The following OPCML variants were observed in gnomAD, a reference collection of about 807,000 sequenced individuals.
The protein encoded by OPCML is opioid binding protein/cell adhesion molecule like.
In OPCML, 13 loss-of-function variants were observed where a neutral mutation model predicts 37.8. The observed-to-expected ratio is 0.34, with a 90% CI of 0.22 to 0.55. The LOEUF (loss-of-function observed/expected upper bound fraction) is 0.55, where lower values mean the gene tolerates loss of function less well. OPCML is among the 20% of genes least tolerant of loss of function. OPCML has a pLI of 0.91. For synonymous variants in OPCML, 176 were observed against 168.8 expected, an observed-to-expected ratio of 1.04 and a Z score of -0.33; for missense variants, 341 against 435.6, an observed-to-expected ratio of 0.78 and a Z score of 1.93.
At chr11:132,539,817 G>A (rs575588811) in intron 3 of OPCML, among the ~76,000 whole-genome samples, 1 of 152,026 alleles carries the variant, frequency 6.6e-6, no homozygotes, top group Non-Finnish European at 1.5e-5. Context: ...GGTGATAGAT[G>A]CTGACGGTGA....
chr11:133,457,046 C>A (rs1337632677), intron 1 of OPCML, among the ~76,000 whole-genome samples: 1 of 152,032 alleles, frequency 6.6e-6, no homozygotes. Flanking sequence ...CCCAAAGAGA[C>A]CAACCCCAAG....
In OPCML at chr11:133,516,068, G is replaced by A. The variant is rs555501216; in HGVS notation, c.61+16196C>T. Among the ~76,000 whole-genome samples the A allele has an allele frequency of 2.4e-4, 37 of 152,182 alleles. No homozygotes were observed. In the South Asian group the frequency reaches 4.8e-3, roughly 20 times the overall value. The stretch of plus-strand genomic sequence containing the variant: ...GGTCTACGTGTGCAGGGCGCTTATC[G>A]GGAGAAACAACTGGGAGAGAAGCTG... On this transcript the variant is annotated intron_variant, in intron 1 of 7. Transcript: ENST00000524381.
chr11:133,384,213 A>T (rs1420958186), intron 1 of OPCML, among the ~76,000 whole-genome samples: 3 of 142,556 alleles, frequency 2.1e-5, no homozygotes, highest in Non-Finnish European at 4.5e-5. Context: ...GGCCACCCAG[A>T]TTAATGCAGC....
intron 1 of OPCML, among the ~76,000 whole-genome samples, chr11:133,230,702 G>C (rs1021765631): frequency 6.6e-6 from 1 of 152,190 alleles, no homozygotes; most frequent in Non-Finnish European, 1.5e-5. Flanking sequence ...AGCAGCCTCA[G>C]CCTGGCCACC....
At chr11:133,389,184 C>A (rs984653063) in intron 1 of OPCML, among the ~76,000 whole-genome samples, 2 of 152,184 alleles carry the variant, frequency 1.3e-5, no homozygotes, top group African/African-American at 2.4e-5. Flanking sequence ...TCCATGCCTG[C>A]CAAAATGTCT....
At chr11:133,216,264 CTG>C (rs899829178) in intron 1 of OPCML, among the ~76,000 whole-genome samples, 3 of 152,190 alleles carry the variant, frequency 2.0e-5, no homozygotes, top group Admixed American at 6.5e-5. Flanking sequence ...CTCCCAGAAA[CTG>C]TGTTTTATAA....
chr11:132,792,635 AAGG>A (rs1937998807), intron 2 of OPCML, among the ~76,000 whole-genome samples: 1 of 152,114 alleles, frequency 6.6e-6, no homozygotes, highest in Non-Finnish European at 1.5e-5. Context: ...GGGAAGTGTG[AAGG>A]AGAAGCAGGC....
Position 133,007,796 on chromosome 11 carries a change from A to G in OPCML, c.62-64786T>C, listed in dbSNP as rs1030552041. ...ATTTTGAATAGTTAGCACATGTATC[A>G]TATCTCCTTGTGGCGGGATCACTCA... On this transcript the variant is annotated intron_variant, in intron 1 of 7. Coordinates refer to ENST00000524381, the MANE Select transcript of OPCML (RefSeq NM_001012393.5). The G allele has an allele frequency of 1.9e-5, 19 of 985,482 alleles. No homozygotes were observed. The East Asian group carries it at 1.7e-3, about 88-fold the overall frequency. 61.0% of individuals were successfully genotyped at this position (985,482 alleles called of 1,614,324 possible).
chr11:132,672,096 C>T lies in OPCML; in HGVS notation c.147-14777G>A, dbSNP rs182105518. ...GCTCTTATAACTTGACCTCACATTGCCCTTGCCATCAGTCCAGCTGGGGTC... is the reference window on the plus strand; with the variant it reads ...GCTCTTATAACTTGACCTCACATTGTCCTTGCCATCAGTCCAGCTGGGGTC... On this transcript the variant is annotated intron_variant, in intron 2 of 7. Coordinates refer to ENST00000524381, the MANE Select transcript of OPCML (RefSeq NM_001012393.5). Among the ~76,000 whole-genome samples the T allele has an allele frequency of 3.4e-3, 521 of 152,208 alleles. 4 individuals are homozygous for T. Among genetic ancestry groups the T allele is most frequent in the Admixed American group, 0.016 (243 of 15,290 alleles).
intron 3 of OPCML, among the ~76,000 whole-genome samples, chr11:132,585,920 A>C (rs2096471658): frequency 6.6e-6 from 1 of 152,168 alleles, no homozygotes; most frequent in South Asian, 2.1e-4. Flanking sequence ...TTTCTCAAAC[A>C]TCCACACATT....
At chr11:133,026,211 G>GA (rs2136913007) in intron 1 of OPCML, 2 of 691,114 alleles carry the variant, frequency 2.9e-6, no homozygotes, top group South Asian at 1.3e-4. Flanking sequence ...TAAAGCTTTC[G>GA]AGCCAGGTTA....
At chr11:133,231,171 T>C (rs542179460) in intron 1 of OPCML, among the ~76,000 whole-genome samples, 1 of 152,306 alleles carries the variant, frequency 6.6e-6, no homozygotes, top group South Asian at 2.1e-4. Context: ...GGAGATTTCA[T>C]TGAAGCATAA....
intron 3 of OPCML, among the ~76,000 whole-genome samples, chr11:132,603,986 G>A (rs775705005): frequency 2.6e-5 from 4 of 152,184 alleles, no homozygotes; most frequent in Non-Finnish European, 2.9e-5. Context: ...GCAAGGGGAT[G>A]TAATCCACAA....
At chr11:133,165,918 A>C (rs1452410981) in intron 1 of OPCML, among the ~76,000 whole-genome samples, 3 of 152,220 alleles carry the variant, frequency 2.0e-5, no homozygotes, top group African/African-American at 7.2e-5. Context: ...AAGCAATTGA[A>C]GACTCAGTGG....
At chr11:133,295,651 CA>C in intron 1 of OPCML, among the ~76,000 whole-genome samples, 1 of 152,180 alleles carries the variant, frequency 6.6e-6, no homozygotes, top group Non-Finnish European at 1.5e-5. Context: ...GCTCCCTAGA[CA>C]GAGCACCCCA....
At chr11:133,481,675 G>T (rs1947374916) in intron 1 of OPCML, among the ~76,000 whole-genome samples, 1 of 152,130 alleles carries the variant, frequency 6.6e-6, no homozygotes, top group Non-Finnish European at 1.5e-5. Context: ...TATATCAGAG[G>T]TCTGTCTGAG....
At chr11:132,486,659 CTTTT>C (rs2096200784) in intron 4 of OPCML, among the ~76,000 whole-genome samples, 2 of 151,724 alleles carry the variant, frequency 1.3e-5, no homozygotes, top group Admixed American at 1.3e-4. Context: ...TCCTTTCTTT[CTTTT>C]CTTTTTTTCT....
chr11:133,336,621 G>C (rs1943749592), intron 1 of OPCML, among the ~76,000 whole-genome samples: 1 of 152,194 alleles, frequency 6.6e-6, no homozygotes, highest in South Asian at 2.1e-4. Flanking sequence ...TTCAGTGTTA[G>C]TTTAAAAGAA....
At chr11:132,753,557 T>G (rs1234527469) in intron 2 of OPCML, among the ~76,000 whole-genome samples, 1 of 151,442 alleles carries the variant, frequency 6.6e-6, no homozygotes, top group Non-Finnish European at 1.5e-5. Flanking sequence ...TACCCATTAT[T>G]GCACATATAT....
Sources: gnomAD v4.1 joint callset for allele counts (sites outside exome capture counted in the v4.1 genomes callset) on GRCh38, gnomAD v4.1.1 for gene constraint, MANE v1.5 for transcripts, NCBI Gene and HGNC (gene_info 2026-07-23, HGNC 2026-07-21) for gene names.